The following TWNK variants were observed in gnomAD, a reference collection of about 807,000 sequenced individuals.
TWNK encodes the protein twinkle mtDNA helicase.
A neutral mutation model predicts 58.2 loss-of-function variants in TWNK; 36 were observed. The ratio of observed to expected loss-of-function variants is 0.62; its 90% confidence interval spans 0.47 to 0.82. The LOEUF is 0.82. TWNK is among the 40% of genes least tolerant of loss of function. The pLI is 0.00. For missense variants in TWNK, 714 were observed against 881.0 expected (o/e 0.81, Z 2.40); for synonymous variants, 349 against 348.5 (o/e 1.00, Z -0.02).
rs761133539 is a variant in TWNK at position 100,988,222 on chromosome 10, C to A, written c.12C>A (p.Leu4=). 5 of 1,614,154 alleles carry A rather than the reference C, an allele frequency of 3.1e-6. No individual in the cohort carries two copies. Among genetic ancestry groups the A allele is most frequent in the Non-Finnish European group, 4.2e-6 (5 of 1,180,042 alleles). Residue 4 remains leucine, a synonymous_variant, in exon 1 of 5, where the codon CTC becomes CTA. Coordinates refer to ENST00000311916, the MANE Select transcript of TWNK (RefSeq NM_021830.5). This position sits in a 1 kb window ranked among gnomAD's most constrained non-coding sequence, Gnocchi z 5.2. ...ACATTTGGCTAGGAATGTGGGTCCT[C>A]CTCCGAAGTGGGTACCCCCTCCGTA... MWV[L]LRSGYPLRIL...
Position 100,990,470 on chromosome 10 carries a change from G to A in TWNK, c.1519G>A (p.Val507Ile), listed in dbSNP as rs369588002. Residue 507 changes from valine to isoleucine, a missense_variant, in exon 3 of 5, where the codon GTC (valine) becomes ATC (isoleucine). Coordinates refer to ENST00000311916, the MANE Select transcript of TWNK (RefSeq NM_021830.5). The part of the protein sequence containing the change: ...VIDTMQHAVY[V>I]YDICHVIIDN... ...AGATACAATGCAACATGCAGTCTAC[G>A]TCTATGACATTTGTCATGTGATCAT... The A allele has an allele frequency of 1.2e-5, 20 of 1,614,120 alleles. No homozygotes were observed. Among genetic ancestry groups the A allele is most frequent in the Middle Eastern group, 3.3e-4 (2 of 6,062 alleles).
chr10:100,990,575 A>G (rs766580723), intron 3 of TWNK, 32 bp downstream of exon 3: 1 of 1,613,716 alleles, frequency 6.2e-7, no homozygotes, highest in Admixed American at 1.7e-5. Context: ...GTCTAGCTTG[A>G]GCCCGCTTGG....
At chr10:100,993,164 T>C in intron 4 of TWNK, 26 bp from the exon 5 acceptor site, 1 of 1,613,026 alleles carries the variant, frequency 6.2e-7, no homozygotes, top group Non-Finnish European at 8.5e-7. Context: ...ACTCCTGCTT[T>C]CCTCCTTCTG....
rs1851632816 is a variant in TWNK, at chr10:100,988,198, CA to C, written c.-12del. Reference sequence around the variant, plus strand: ...AGGCATTTCAAGTAGTGACTTCCCACATTTGGCTAGGAATGTGGGTCCTCCT... The same window carrying C: ...AGGCATTTCAAGTAGTGACTTCCCACTTTGGCTAGGAATGTGGGTCCTCCT... On this transcript the variant is annotated 5_prime_UTR_variant, in exon 1 of 5. Transcript: ENST00000311916. This position sits in a 1 kb window ranked among gnomAD's most constrained non-coding sequence, Gnocchi z 5.2. 3 of 1,613,938 alleles carry C rather than the reference CA, an allele frequency of 1.9e-6. No individual in the cohort carries two copies. The highest frequency in any genetic ancestry group is 2.7e-5 in the African/African-American group (2 of 75,058).
chr10:100,990,966 G>A lies in TWNK; in HGVS notation c.1690G>A (p.Asp564Asn). 1 of 1,614,262 alleles carries A rather than the reference G, an allele frequency of 6.2e-7. No individual in the cohort carries two copies. Reference protein sequence around the residue: ...TLVIHPRKEDDDKELQTASIF... With the variant: ...TLVIHPRKEDNDKELQTASIF... The stretch of plus-strand genomic sequence containing the variant: ...GGTCATTCACCCCCGGAAAGAGGAT[G>A]ATGACAAGGAACTGCAGACAGCGTC... Residue 564 changes from aspartate (D) to asparagine (N), a missense_variant, in exon 4 of 5, where the codon GAT becomes AAT. Asp to Asn is a conservative substitution (Grantham distance 23). Coordinates refer to ENST00000311916, the MANE Select transcript of TWNK (RefSeq NM_021830.5).
rs976680618 is a variant in TWNK, at chr10:100,988,263, G to C, written c.53G>C (p.Arg18Pro). 6.2e-7 allele frequency: 1 copy of C among 1,614,138 alleles called. No homozygotes were observed. Among genetic ancestry groups the C allele is most frequent in the African/African-American group, 1.3e-5 (1 of 75,064 alleles). ...CCCCTCCGTATCTTGTTACCCCTGC[G>C]TGGGGAGTGGATGGGTCGGAGGGGC... ...GYPLRILLPLRGEWMGRRGLP... is the reference protein window; with the variant it reads ...GYPLRILLPLPGEWMGRRGLP... The change falls in exon 1 of 5, where the codon CGT (arginine) becomes CCT (proline). Residue 18 changes from arginine (R) to proline (P), a missense_variant. This residue lies in a region of TWNK where 348 missense variants were observed against 388.4 expected (regional missense o/e 0.90). Coordinates refer to ENST00000311916, the MANE Select transcript of TWNK (RefSeq NM_021830.5). This position sits in a 1 kb window ranked among gnomAD's most constrained non-coding sequence, Gnocchi z 5.2.
At position 100,993,864 on chromosome 10, in the gene TWNK, C is replaced by A; in HGVS notation, c.*354C>A. 2 of 327,872 alleles carry A rather than the reference C, an allele frequency of 6.1e-6. 1 individual carries two copies. Among genetic ancestry groups the A allele is most frequent in the South Asian group, 5.9e-5 (2 of 33,966 alleles). 20.3% of individuals were successfully genotyped at this position (327,872 alleles called of 1,614,324 possible). A position where few individuals can be genotyped will look rare whatever the true frequency, so the allele number is the denominator to read the frequency against. The stretch of plus-strand genomic sequence containing the variant: ...AAATAGAAATGCGATAGAGTGCTGG[C>A]AGGCTAGTGTAGATAAGTGGTCTGA... On this transcript the variant is annotated 3_prime_UTR_variant, in exon 5 of 5. Coordinates refer to ENST00000311916, the MANE Select transcript of TWNK (RefSeq NM_021830.5).
rs111033573 is a variant in TWNK, at chr10:100,989,285, G to T, written c.1075G>T (p.Ala359Ser). The T allele has an allele frequency of 6.2e-7, 1 of 1,614,162 alleles. No homozygotes were observed. Among genetic ancestry groups the T allele is most frequent in the Non-Finnish European group, 8.5e-7 (1 of 1,180,046 alleles). ...GFNLSRILRT[A>S]LPAWHKSIVS... The stretch of plus-strand genomic sequence containing the variant: ...CAATCTTTCTCGTATTCTTCGTACC[G>T]CCCTGCCTGCCTGGCACAAGTCCAT... Residue 359 changes from alanine to serine, a missense_variant, in exon 1 of 5, where the codon GCC becomes TCC. Physicochemically the swap from Ala to Ser is moderately conservative, Grantham distance 99 (BLOSUM62 1). Transcript: ENST00000311916. This position sits in a 1 kb window ranked among gnomAD's most constrained non-coding sequence, Gnocchi z 7.6.
At position 100,989,348 on chromosome 10, in the gene TWNK, G is replaced by C; in HGVS notation, c.1138G>C (p.Glu380Gln). 6.2e-7 allele frequency: 1 copy of C among 1,614,234 alleles called. No individual in the cohort carries two copies. The highest frequency in any genetic ancestry group is 1.1e-5 in the South Asian group (1 of 91,092). Reference protein sequence around the residue: ...FRQLREEVLGELSNVEQAAGL... With the variant: ...FRQLREEVLGQLSNVEQAAGL... Reference sequence around the variant, plus strand: ...GCAGCTTCGGGAGGAGGTGCTAGGAGAACTGTCAAATGTGGAGCAAGCAGC... The same window carrying C: ...GCAGCTTCGGGAGGAGGTGCTAGGACAACTGTCAAATGTGGAGCAAGCAGC... Residue 380 changes from glutamate (E) to glutamine (Q), a missense_variant, in exon 1 of 5, where the codon GAA becomes CAA. This residue lies in a region of TWNK where 302 missense variants were observed against 438.6 expected (regional missense o/e 0.69). Coordinates refer to ENST00000311916, the MANE Select transcript of TWNK (RefSeq NM_021830.5). This position sits in a 1 kb window ranked among gnomAD's most constrained non-coding sequence, Gnocchi z 7.6.
At chr10:100,992,913 A>G (rs1851819956) in intron 4 of TWNK, among the ~76,000 whole-genome samples, 1 of 152,104 alleles carries the variant, frequency 6.6e-6, no homozygotes, top group South Asian at 2.1e-4. Flanking sequence ...CAGCCTCCCA[A>G]GAAGCTGGGA....
chr10:100,989,148 G>A lies in TWNK; in HGVS notation c.938G>A (p.Arg313Gln). Residue 313 changes from arginine to glutamine, a missense_variant, in exon 1 of 5, where the codon CGG (arginine) becomes CAG (glutamine). Coordinates refer to ENST00000311916, the MANE Select transcript of TWNK (RefSeq NM_021830.5). The surrounding 1 kb of genome is among the most constrained non-coding windows in gnomAD (Gnocchi z 7.6). ...RIVFWLGDDL[R>Q]SWEAAKLFAR... ...GTATTCTGGTTGGGGGATGACCTTC[G>A]GTCCTGGGAAGCCGCCAAGTTGTTT... 4.3e-6 allele frequency: 7 copies of A among 1,611,914 alleles called. No homozygotes were observed. Among genetic ancestry groups the A allele is most frequent in the East Asian group, 2.2e-5 (1 of 44,810 alleles).
Position 100,990,944 on chromosome 10 carries a change from C to T in TWNK, c.1668C>T (p.Val556=), listed in dbSNP as rs947946873. ...ATDNNCHVTL[V]IHPRKEDDDK... is the part of the protein sequence containing the mutation. The stretch of plus-strand genomic sequence containing the variant: ...ACAATAACTGCCATGTGACACTGGT[C>T]ATTCACCCCCGGAAAGAGGATGATG... Residue 556 remains valine (V), a synonymous_variant, in exon 4 of 5, where the codon GTC becomes GTT. Transcript: ENST00000311916. The T allele has an allele frequency of 6.2e-7, 1 of 1,614,124 alleles. No homozygotes were observed. Among genetic ancestry groups the T allele is most frequent in the African/African-American group, 1.3e-5 (1 of 74,938 alleles).
Position 100,993,380 on chromosome 10 carries a change from A to C in TWNK, c.1925A>C (p.Lys642Thr). Residue 642 changes from lysine to threonine, a missense_variant, in exon 5 of 5, where the codon AAG becomes ACG. Coordinates refer to ENST00000311916, the MANE Select transcript of TWNK (RefSeq NM_021830.5). ...AACAAGGCCCGGCTCAAGAAGATCAAGGATGACACTGGACCAGTGGCCAAA... is the reference window on the plus strand; with the variant it reads ...AACAAGGCCCGGCTCAAGAAGATCACGGATGACACTGGACCAGTGGCCAAA... Reference protein sequence around the residue: ...PKNKARLKKIKDDTGPVAKKP... With the variant: ...PKNKARLKKITDDTGPVAKKP... The C allele has an allele frequency of 6.2e-7, 1 of 1,614,246 alleles. No homozygotes were observed. Among genetic ancestry groups the C allele is most frequent in the Non-Finnish European group, 8.5e-7 (1 of 1,180,044 alleles).
rs1326366477 is a variant in TWNK, at chr10:100,990,619, C to T, written c.1592+76C>T. 7 of 1,611,674 alleles carry T rather than the reference C, an allele frequency of 4.3e-6. No individual in the cohort carries two copies. In the East Asian group the frequency reaches 6.7e-5, roughly 15 times the overall value. The stretch of plus-strand genomic sequence containing the variant: ...CACACACTTCTCAGGCAGCTGGCCT[C>T]TAGGCACACATGCTGTGCTCTCCTA... On this transcript the variant is annotated intron_variant, in intron 3 of 4. Coordinates refer to ENST00000311916, the MANE Select transcript of TWNK (RefSeq NM_021830.5).
Position 100,989,533 on chromosome 10 carries a change from A to G in TWNK, c.1243+80A>G. 1 of 1,609,224 alleles carries G rather than the reference A, an allele frequency of 6.2e-7. No individual in the cohort carries two copies. ...AAAGCAAGTGGGTTTGGGCCATGAC[A>G]ATGTTGAAAAGAAGGTTGGCCCTTT... On this transcript the variant is annotated intron_variant, in intron 1 of 4. Transcript: ENST00000311916. The surrounding 1 kb of genome is among the most constrained non-coding windows in gnomAD (Gnocchi z 7.6).
chr10:100,993,299 G>C lies in TWNK; in HGVS notation c.1844G>C (p.Gly615Ala), dbSNP rs764752550. Reference protein sequence around the residue: ...VSKNRFDGDVGVFPLEFNKNS... With the variant: ...VSKNRFDGDVAVFPLEFNKNS... ...AAGAACCGCTTTGATGGAGATGTAG[G>C]TGTCTTCCCGCTTGAGTTCAACAAG... is the stretch of plus-strand genomic sequence containing the variant. Residue 615 changes from glycine (G) to alanine (A), a missense_variant, in exon 5 of 5, where the codon GGT becomes GCT. By Grantham distance (60) the Gly-to-Ala change is moderately conservative (BLOSUM62 0). Around this residue, in one of 3 missense-constraint regions of TWNK, gnomAD observed 302 missense variants for 438.6 expected, o/e 0.69. Coordinates refer to ENST00000311916, the MANE Select transcript of TWNK (RefSeq NM_021830.5). 6.2e-7 allele frequency: 1 copy of C among 1,614,216 alleles called. No homozygotes were observed. The highest frequency in any genetic ancestry group is 2.2e-5 in the East Asian group (1 of 44,886).
intron 4 of TWNK, 41 bp downstream of exon 4, chr10:100,991,051 G>A: frequency 6.2e-7 from 1 of 1,612,690 alleles, no homozygotes; most frequent in Non-Finnish European, 8.5e-7. Context: ...GGAAAATAGA[G>A]TGGGTAGGTG....
rs1851862991 is a variant in TWNK, at chr10:100,994,179, T to C, written c.*669T>C. 6.5e-6 allele frequency: 1 copy of C among 153,492 alleles called. No individual in the cohort carries two copies. The highest frequency in any genetic ancestry group is 2.0e-4 in the South Asian group (1 of 4,892). The allele number at this position is 153,492 out of a possible 1,614,324, so 9.5% of individuals were successfully genotyped here. On this transcript the variant is annotated 3_prime_UTR_variant, in exon 5 of 5. Transcript: ENST00000311916. The stretch of plus-strand genomic sequence containing the variant: ...TTGTAGAGCCTAGCATGAGGTGGCA[T>C]GTACTAGAATTGGATCCTAGGTGCT...
rs763570953 is a variant in TWNK, at chr10:100,993,178, CCT to C, written c.1735-11_1735-10del. 3.1e-6 allele frequency: 5 copies of C among 1,614,076 alleles called. No individual in the cohort carries two copies. Among genetic ancestry groups the C allele is most frequent in the African/African-American group, 1.3e-5 (1 of 75,028 alleles). On this transcript the variant is annotated splice_polypyrimidine_tract_variant and intron_variant, in intron 4 of 4. Transcript: ENST00000311916. ...TACTCCTGCTTTCCTCCTTCTGCCC[CCT>C]GTTCCCCAGGCAAGCCAGGAAGCAG...
Sources: gnomAD v4.1 joint callset for allele counts (sites outside exome capture counted in the v4.1 genomes callset) on GRCh38, gnomAD v4.1.1 for gene constraint, gnomAD v4.1.1 regional missense constraint, Gnocchi (gnomAD v3.1) non-coding constraint, MANE v1.5 for transcripts, NCBI Gene and HGNC (gene_info 2026-07-23, HGNC 2026-07-21) for gene names.